Variants in ITPR1 observed in about 807,000 individuals in gnomAD.
ITPR1 encodes the protein inositol 1,4,5-trisphosphate-gated calcium channel ITPR1.
Under a neutral mutation model 318.4 loss-of-function variants are expected in ITPR1, and 96 were observed. The observed-to-expected ratio is 0.30, with a 90% CI of 0.26 to 0.36. ITPR1 has a LOEUF of 0.36. Ranked by LOEUF, ITPR1 falls within the 10% of genes least tolerant of loss-of-function variation. ITPR1 has a pLI of 1.00. For missense variants in ITPR1, 2,440 were observed against 3,460.2 expected (o/e 0.71, Z 7.40); for synonymous variants, 1,312 against 1,289.9 (o/e 1.02, Z -0.37).
intron 4 of ITPR1, among the ~76,000 whole-genome samples, chr3:4,615,143 C>G (rs961149040): frequency 6.6e-6 from 1 of 152,174 alleles, no homozygotes; most frequent in Admixed American, 6.5e-5. Flanking sequence ...ACCCCTGTCC[C>G]GTACTGACAC....
chr3:4,697,783 T>C (rs1194418475), intron 34 of ITPR1, among the ~76,000 whole-genome samples: 1 of 152,136 alleles, frequency 6.6e-6, no homozygotes, highest in East Asian at 1.9e-4. Context: ...TAGCCGAGAA[T>C]GGATGTTATT....
chr3:4,678,888 A>G (rs1179152631), intron 24 of ITPR1, among the ~76,000 whole-genome samples: 1 of 152,150 alleles, frequency 6.6e-6, no homozygotes, highest in African/African-American at 2.4e-5. Flanking sequence ...TGAGTTTGGA[A>G]AGGAGGACCA....
rs374022504 is a variant in ITPR1, at chr3:4,658,261, T to C, written c.1134T>C (p.Gly378=). The part of the protein sequence containing the change: ...FELDPTTLRG[G]DSLVPRNSYV... ...TAGATCCCACCACTCTGCGTGGAGG[T>C]GACAGCCTTGTCCCAAGGTATCATT... The change falls in exon 13 of 62, where the codon GGT becomes GGC. Residue 378 remains glycine (G), a synonymous_variant. Transcript: ENST00000649015. The C allele has an allele frequency of 1.2e-6, 2 of 1,611,566 alleles. No individual in the cohort carries two copies. Among genetic ancestry groups the C allele is most frequent in the Non-Finnish European group, 1.7e-6 (2 of 1,178,370 alleles).
chr3:4,504,687 C>A (rs938301950), intron 2 of ITPR1, among the ~76,000 whole-genome samples: 2 of 152,134 alleles, frequency 1.3e-5, no homozygotes, highest in East Asian at 3.9e-4. Flanking sequence ...ATGATATCGC[C>A]AAGCATCTTT....
intron 4 of ITPR1, among the ~76,000 whole-genome samples, chr3:4,598,162 C>G (rs908912692): frequency 6.6e-6 from 1 of 152,192 alleles, no homozygotes; most frequent in Non-Finnish European, 1.5e-5. Context: ...CATCCTTCCC[C>G]TCTCCCCTGG....
intron 13 of ITPR1, 40 bp from the exon 14 acceptor site, chr3:4,660,948 A>G (rs750303577): frequency 9.5e-7 from 1 of 1,049,952 alleles, no homozygotes; most frequent in Non-Finnish European, 1.4e-6. Flanking sequence ...AGTAAACCTC[A>G]ATATTTATTT....
chr3:4,779,560 C>T lies in ITPR1; in HGVS notation c.6302C>T (p.Ser2101Leu). Residue 2101 changes from serine (S) to leucine (L), a missense_variant, in exon 49 of 62, where the codon TCG (serine) becomes TTG (leucine). By Grantham distance (145) the Ser-to-Leu change is moderately radical (BLOSUM62 -2). Coordinates refer to ENST00000649015, the MANE Select transcript of ITPR1 (RefSeq NM_001378452.1). This position sits in a 1 kb window ranked among gnomAD's most constrained non-coding sequence, Gnocchi z 4.0. ...DLVLELKNNA[S>L]KLLLAIMESR... ...TGTTTCTCCAACTAGAACAATGCCTCGAAGTTGCTCCTGGCCATCATGGAA... is the reference window on the plus strand; with the variant it reads ...TGTTTCTCCAACTAGAACAATGCCTTGAAGTTGCTCCTGGCCATCATGGAA... The T allele has an allele frequency of 6.2e-7, 1 of 1,611,636 alleles. No homozygotes were observed. The highest frequency in any genetic ancestry group is 8.5e-7 in the Non-Finnish European group (1 of 1,178,234).
Position 4,779,400 on chromosome 3 carries a change from T to G in ITPR1, c.6292-150T>G. The stretch of plus-strand genomic sequence containing the variant: ...ATGCTCTCTGCCTGGTGCAGATGGA[T>G]TTTGATGTCCTTAACCCAGAGCTTC... On this transcript the variant is annotated intron_variant, in intron 48 of 61. Coordinates refer to ENST00000649015, the MANE Select transcript of ITPR1 (RefSeq NM_001378452.1). The surrounding 1 kb of genome is among the most constrained non-coding windows in gnomAD (Gnocchi z 4.0). The G allele has an allele frequency of 1.7e-6, 1 of 583,386 alleles. No homozygotes were observed. The highest frequency in any genetic ancestry group is 2.5e-5 in the Admixed American group (1 of 39,712). The allele number at this position is 583,386 out of a possible 1,614,324, so 36.1% of individuals were successfully genotyped here.
Position 4,629,150 on chromosome 3 carries a change from C to T in ITPR1, c.279+1272C>T, listed in dbSNP as rs144240506. ...GGTCCATGCCTGGACCCTGCTGCCCCCACAGAGGCTTCTTAACTACATTCT... is the reference window on the plus strand; with the variant it reads ...GGTCCATGCCTGGACCCTGCTGCCCTCACAGAGGCTTCTTAACTACATTCT... On this transcript the variant is annotated intron_variant, in intron 5 of 61. Transcript: ENST00000649015. Among the ~76,000 whole-genome samples, 301 of 152,318 alleles carry T rather than the reference C, an allele frequency of 2.0e-3. 1 individual carries two copies. The highest frequency in any genetic ancestry group is 2.6e-3 in the Non-Finnish European group (174 of 68,022).
intron 4 of ITPR1, among the ~76,000 whole-genome samples, chr3:4,603,622 G>T (rs11719619): frequency 1.3e-5 from 2 of 152,048 alleles, no homozygotes; most frequent in South Asian, 2.1e-4. Flanking sequence ...TAGAGACAGG[G>T]TTTCACCCTG....
chr3:4,759,733 C>T (rs913195188), intron 44 of ITPR1, among the ~76,000 whole-genome samples: 2 of 152,196 alleles, frequency 1.3e-5, no homozygotes, highest in African/African-American at 4.8e-5. Flanking sequence ...CGGAGAGGAG[C>T]ACGTTACCCT....
intron 55 of ITPR1, among the ~76,000 whole-genome samples, chr3:4,808,679 TG>T (rs1247077409): frequency 6.6e-6 from 1 of 152,196 alleles, no homozygotes; most frequent in Non-Finnish European, 1.5e-5. Context: ...CAGAAAACAC[TG>T]ACACTTCAAA....
chr3:4,644,247 A>C lies in ITPR1; in HGVS notation c.624+13A>C. On this transcript the variant is annotated intron_variant, in intron 8 of 61. Coordinates refer to ENST00000649015, the MANE Select transcript of ITPR1 (RefSeq NM_001378452.1). ...AGGCTGCAATGAGGTAAGGACATTG[A>C]GTTATGTGTGTGGGTGTGGTTATCC... 1 of 1,568,638 alleles carries C rather than the reference A, an allele frequency of 6.4e-7. No individual in the cohort carries two copies. Among genetic ancestry groups the C allele is most frequent in the Non-Finnish European group, 8.7e-7 (1 of 1,146,532 alleles).
intron 4 of ITPR1, among the ~76,000 whole-genome samples, chr3:4,608,533 A>T (rs2091857348): frequency 6.6e-6 from 1 of 152,080 alleles, no homozygotes. Context: ...TATGGATCTC[A>T]TTTGGGGCTG....
chr3:4,829,181 A>C (rs1575404365), intron 60 of ITPR1, among the ~76,000 whole-genome samples: 1 of 152,206 alleles, frequency 6.6e-6, no homozygotes, highest in African/African-American at 2.4e-5. Flanking sequence ...AAGAAAATAG[A>C]CCAGGTTGGT....
At chr3:4,766,796 C>A in intron 45 of ITPR1, 86 bp downstream of exon 45, 1 of 1,088,956 alleles carries the variant, frequency 9.2e-7, no homozygotes, top group Non-Finnish European at 1.3e-6. Context: ...TACTTCTGTG[C>A]TCTAAAATGC....
intron 11 of ITPR1, among the ~76,000 whole-genome samples, chr3:4,653,310 A>C (rs1210016837): frequency 6.6e-6 from 1 of 152,160 alleles, no homozygotes; most frequent in Non-Finnish European, 1.5e-5. Flanking sequence ...CACGGTGCCT[A>C]ATACATGAAG....
chr3:4,528,076 T>TC (rs2124944007), intron 4 of ITPR1, among the ~76,000 whole-genome samples: 2 of 152,266 alleles, frequency 1.3e-5, no homozygotes, highest in South Asian at 4.1e-4. Flanking sequence ...AGGTTAAATA[T>TC]AGGGGAAAGA....
intron 54 of ITPR1, 123 bp from the exon 55 acceptor site, chr3:4,805,980 T>G (rs1045105023): frequency 6.4e-6 from 5 of 781,760 alleles, no homozygotes. Flanking sequence ...GGGCACCGGG[T>G]GGAAAAGGAA....
Sources: allele counts gnomAD v4.1 joint callset (sites outside exome capture counted in the v4.1 genomes callset), GRCh38; gene constraint gnomAD v4.1.1; non-coding constraint Gnocchi (gnomAD v3.1); transcripts MANE v1.5; gene names NCBI Gene and HGNC (gene_info 2026-07-23, HGNC 2026-07-21).